Variants in PADI2 observed in about 807,000 individuals in gnomAD.
PADI2 encodes peptidyl arginine deiminase 2, also known as protein-arginine deiminase type-2.
Under a neutral mutation model 81.1 loss-of-function variants are expected in PADI2, and 70 were observed. The observed-to-expected ratio is 0.86, with a 90% confidence interval of 0.71 to 1.05. PADI2 has a LOEUF of 1.05. PADI2 is among the 50% of genes least tolerant of loss of function. The pLI is 0.00. For missense variants in PADI2, 853 were observed against 889.9 expected (o/e 0.96, Z 0.53); for synonymous variants, 338 against 358.0 (o/e 0.94, Z 0.63).
intron 4 of PADI2, among the ~76,000 whole-genome samples, chr1:17,094,959 C>T (rs959511887): frequency 4.1e-4 from 63 of 152,202 alleles, no homozygotes; most frequent in Non-Finnish European, 7.2e-4. Flanking sequence ...AAGGGACTTC[C>T]CCACATGGCT....
chr1:17,103,814 T>A (rs1422834264), intron 2 of PADI2, among the ~76,000 whole-genome samples: 2 of 130,742 alleles, frequency 1.5e-5, no homozygotes, highest in African/African-American at 2.9e-5. Flanking sequence ...GACCTGTCTC[T>A]AAAAAAAAAA....
intron 7 of PADI2, among the ~76,000 whole-genome samples, chr1:17,085,866 G>A (rs1370574656): frequency 1.3e-5 from 2 of 152,106 alleles, no homozygotes; most frequent in Admixed American, 1.3e-4. Context: ...TTTTCTGAGC[G>A]AAACAGGGTG....
At chr1:17,117,740 C>A (rs1028623015) in intron 1 of PADI2, among the ~76,000 whole-genome samples, 2 of 152,236 alleles carry the variant, frequency 1.3e-5, no homozygotes, top group African/African-American at 4.8e-5. Flanking sequence ...TCAGGCGGCA[C>A]CAACCATGCC....
chr1:17,092,277 C>T (rs574252857), intron 6 of PADI2, 131 bp downstream of exon 6: 7 of 641,830 alleles, frequency 1.1e-5, no homozygotes, highest in African/African-American at 7.4e-5. Flanking sequence ...AACAGCATTG[C>T]CATGTTACAA....
intron 4 of PADI2, among the ~76,000 whole-genome samples, chr1:17,095,137 A>G (rs1395346123): frequency 6.6e-6 from 1 of 152,258 alleles, no homozygotes; most frequent in Admixed American, 6.5e-5. Context: ...AAAAATTGAG[A>G]TAATACAGAA....
rs772328530 is a variant in PADI2, at chr1:17,094,073, C to T, written c.412-389G>A. The stretch of plus-strand genomic sequence containing the variant: ...TGGATGGATGCCACCCAGCTGTTTC[C>T]AGACACGCTCCTAGTGCTCCGAATG... On this transcript the variant is annotated intron_variant, in intron 4 of 15. Transcript: ENST00000375486. Among the ~76,000 whole-genome samples, 8 of 152,124 alleles carry T rather than the reference C, an allele frequency of 5.3e-5. No individual in the cohort carries two copies. The South Asian group carries it at 6.2e-4, about 12-fold the overall frequency.
chr1:17,107,423 C>A (rs953274512), intron 1 of PADI2, among the ~76,000 whole-genome samples: 1 of 152,162 alleles, frequency 6.6e-6, no homozygotes, highest in Non-Finnish European at 1.5e-5. Flanking sequence ...TGTAGGCCAG[C>A]GGCTGTCAAA....
intron 7 of PADI2, among the ~76,000 whole-genome samples, chr1:17,085,400 T>A (rs2078377432): frequency 1.3e-5 from 2 of 152,126 alleles, no homozygotes; most frequent in Middle Eastern, 3.4e-3. Flanking sequence ...GCCTTTTGAG[T>A]CTCTGCGGGT....
chr1:17,098,408 C>T (rs1394836448), intron 3 of PADI2, among the ~76,000 whole-genome samples: 1 of 152,200 alleles, frequency 6.6e-6, no homozygotes, highest in Non-Finnish European at 1.5e-5. Context: ...GCAGTCTATA[C>T]TGCTTCATTT....
At chr1:17,085,792 A>T (rs576542536) in intron 7 of PADI2, among the ~76,000 whole-genome samples, 1 of 152,226 alleles carries the variant, frequency 6.6e-6, no homozygotes, top group South Asian at 2.1e-4. Flanking sequence ...TCCTTTCCCA[A>T]AGTGGCCTGG....
intron 14 of PADI2, 109 bp from the exon 15 acceptor site, chr1:17,070,325 G>A: frequency 7.1e-7 from 1 of 1,417,258 alleles, no homozygotes; most frequent in South Asian, 1.3e-5. Flanking sequence ...CGGCACTCCA[G>A]AGAGACTTCT....
chr1:17,098,169 T>G (rs756845252), intron 3 of PADI2, among the ~76,000 whole-genome samples: 6 of 152,172 alleles, frequency 3.9e-5, no homozygotes, highest in Non-Finnish European at 8.8e-5. Context: ...TGCTGTTCCC[T>G]GCAATGAACC....
chr1:17,074,869 G>A lies in PADI2; in HGVS notation c.1536C>T (p.Ala512=). 1 of 1,610,268 alleles carries A rather than the reference G, an allele frequency of 6.2e-7. No homozygotes were observed. The highest frequency in any genetic ancestry group is 8.5e-7 in the Non-Finnish European group (1 of 1,177,396). ...REKQKDGHGE[A]IMFKGLGGMS... ...GTGGCCACTCACCTTTGAACATGAT[G>A]GCCTCTCCATGGCCGTCCTTCTGCT... The change falls in exon 13 of 16, where the codon GCC becomes GCT. Residue 512 remains alanine, a synonymous_variant. Coordinates refer to ENST00000375486, the MANE Select transcript of PADI2 (RefSeq NM_007365.3).
rs773515562 is a variant in PADI2 at position 17,104,926 on chromosome 1, G to T, written c.228C>A (p.Thr76=). The T allele has an allele frequency of 1.2e-6, 2 of 1,603,428 alleles. No individual in the cohort carries two copies. The highest frequency in any genetic ancestry group is 2.2e-5 in the South Asian group (2 of 90,784). The change falls in exon 2 of 16, where the codon ACC becomes ACA. Residue 76 remains threonine, a synonymous_variant. Coordinates refer to ENST00000375486, the MANE Select transcript of PADI2 (RefSeq NM_007365.3). ...TCGCCTGGCTCATGGTGACCCGCAG[G>T]GTGGTGCTGGGCGAGAGAAGCCAGC... ...KQRWLLSPST[T]LRVTMSQAST... is the part of the protein sequence containing the mutation.
chr1:17,095,804 G>T, intron 4 of PADI2, 105 bp downstream of exon 4: 1 of 828,918 alleles, frequency 1.2e-6, no homozygotes, highest in Non-Finnish European at 2.0e-6. Context: ...GCCTGTCTTG[G>T]GCTTTAGTCT....
chr1:17,082,582 T>C lies in PADI2; in HGVS notation c.1121A>G (p.Asp374Gly). The change falls in exon 10 of 16, where the codon GAT (aspartate) becomes GGT (glycine). Residue 374 changes from aspartate to glycine, a missense_variant. Coordinates refer to ENST00000375486, the MANE Select transcript of PADI2 (RefSeq NM_007365.3). ...GFPVVLDSPR[D>G]GNLKDFPVKE... ...CACAGGGAAGTCCTTTAGGTTTCCATCTCGGGGAGAGTCCAGCACCACGGG... is the reference window on the plus strand; with the variant it reads ...CACAGGGAAGTCCTTTAGGTTTCCACCTCGGGGAGAGTCCAGCACCACGGG... The C allele has an allele frequency of 6.2e-7, 1 of 1,613,648 alleles. No homozygotes were observed.
intron 3 of PADI2, among the ~76,000 whole-genome samples, chr1:17,100,043 G>GT (rs1237413442): frequency 1.6e-4 from 15 of 92,314 alleles, no homozygotes; most frequent in Non-Finnish European, 3.1e-4. Context: ...AGATATTGGG[G>GT]TTGGGGGGGG....
In PADI2 at chr1:17,074,920, C is replaced by A; in HGVS notation, c.1485G>T (p.Ser495=). The A allele has an allele frequency of 6.2e-7, 1 of 1,613,160 alleles. No individual in the cohort carries two copies. The highest frequency in any genetic ancestry group is 8.5e-7 in the Non-Finnish European group (1 of 1,179,566). ...TCTCTCGGAAGAGCTTGTAGCAGGC[C>A]GAGGTGCTGGCCATGAGTAGCAGGA... ...KKFLLLMAST[S]ACYKLFREKQ... is the part of the protein sequence containing the mutation. The change falls in exon 13 of 16, where the codon TCG becomes TCT. Residue 495 remains serine (S), a synonymous_variant. Coordinates refer to ENST00000375486, the MANE Select transcript of PADI2 (RefSeq NM_007365.3).
At position 17,115,818 on chromosome 1, in the gene PADI2, C is replaced by T. The variant is rs1481552727; in HGVS notation, c.92+3462G>A. On this transcript the variant is annotated intron_variant, in intron 1 of 15. Transcript: ENST00000375486. The surrounding 1 kb of genome is among the most constrained non-coding windows in gnomAD (Gnocchi z 4.1). Reference sequence around the variant, plus strand: ...ATTTGGGAAGAGCAGAAGGAAACAGCGAGTATCTTTAACAACAATCACAAA... The same window carrying T: ...ATTTGGGAAGAGCAGAAGGAAACAGTGAGTATCTTTAACAACAATCACAAA... Among the ~76,000 whole-genome samples, 3 of 152,230 alleles carry T rather than the reference C, an allele frequency of 2.0e-5. No homozygotes were observed. The highest frequency in any genetic ancestry group is 4.4e-5 in the Non-Finnish European group (3 of 68,038).
Sources: gnomAD v4.1 joint callset for allele counts (sites outside exome capture counted in the v4.1 genomes callset) on GRCh38, gnomAD v4.1.1 for gene constraint, Gnocchi (gnomAD v3.1) non-coding constraint, MANE v1.5 for transcripts, NCBI Gene and HGNC (gene_info 2026-07-23, HGNC 2026-07-21) for gene names.